The following YME1L1 variants were observed in gnomAD, a reference collection of about 807,000 sequenced individuals.
YME1L1 encodes the protein YME1 like 1 ATPase.
A neutral mutation model predicts 90.4 loss-of-function variants in YME1L1; 39 were observed. The observed-to-expected ratio is 0.43, with a 90% CI of 0.33 to 0.56. YME1L1 has a LOEUF of 0.56. YME1L1 is among the 20% of genes least tolerant of loss of function. The pLI, the probability that YME1L1 is intolerant of heterozygous loss-of-function variation, is 0.03. For synonymous variants in YME1L1, 284 were observed against 287.3 expected (o/e 0.99, Z 0.12); for missense variants, 617 against 868.4 (o/e 0.71, Z 3.64).
chr10:27,110,750 TA>T lies in YME1L1; in HGVS notation c.*1226del, dbSNP rs1484770865. On this transcript the variant is annotated 3_prime_UTR_variant, in exon 19 of 19. Coordinates refer to ENST00000376016, the MANE Select transcript of YME1L1 (RefSeq NM_014263.4). ...TGAGGGACATTATTCAGAATGAGGT[TA>T]TGTATTTATTTAACAAAATACTGCT... is the stretch of plus-strand genomic sequence containing the variant. 1 of 152,242 alleles carries T rather than the reference TA, an allele frequency of 6.6e-6. No homozygotes were observed. The highest frequency in any genetic ancestry group is 1.5e-5 in the Non-Finnish European group (1 of 68,042). The allele number at this position is 152,242 out of a possible 1,614,324, so 9.4% of individuals were successfully genotyped here.
At chr10:27,137,115 G>T (rs2057037361) in intron 4 of YME1L1, among the ~76,000 whole-genome samples, 1 of 150,132 alleles carries the variant, frequency 6.7e-6, no homozygotes, top group Non-Finnish European at 1.5e-5. Flanking sequence ...TAATGTTTTT[G>T]AAAAAAGGGT....
intron 8 of YME1L1, among the ~76,000 whole-genome samples, chr10:27,130,265 T>C (rs2056963111): frequency 6.6e-6 from 1 of 152,200 alleles, no homozygotes; most frequent in Non-Finnish European, 1.5e-5. Flanking sequence ...CTCCTTCTCA[T>C]CTTGGTTCCT....
rs2056879727 is a variant in YME1L1 at position 27,122,754 on chromosome 10, T to C, written c.1235+87A>G. 4 of 1,550,528 alleles carry C rather than the reference T, an allele frequency of 2.6e-6. No homozygotes were observed. The African/African-American group carries it at 4.1e-5, about 16-fold the overall frequency. ...ATATCTCTAGATATGAAATGCCTTA[T>C]GGAAATAATTTGCATAAGATCAATT... On this transcript the variant is annotated intron_variant, in intron 11 of 18. Transcript: ENST00000376016.
At chr10:27,135,048 C>A in intron 5 of YME1L1, 67 bp from the exon 6 acceptor site, 1 of 1,457,888 alleles carries the variant, frequency 6.9e-7, no homozygotes, top group Non-Finnish European at 9.2e-7. Flanking sequence ...AATATTGTGA[C>A]CACTCAAAAA....
At chr10:27,132,415 A>C (rs2056986557) in intron 7 of YME1L1, among the ~76,000 whole-genome samples, 1 of 152,032 alleles carries the variant, frequency 6.6e-6, no homozygotes, top group African/African-American at 2.4e-5. Flanking sequence ...CTGGATTTCT[A>C]AACCATCTTC....
In YME1L1 at chr10:27,121,457, GA is replaced by G. The variant is rs757447857; in HGVS notation, c.1236-10del. On this transcript the variant is annotated splice_polypyrimidine_tract_variant and intron_variant, in intron 11 of 18. Transcript: ENST00000376016. ...CTTCATTGGGTTTAAAACTATATTGGAAAAAAAATAGTATCTTTTACTAACA... is the reference window on the plus strand; with the variant it reads ...CTTCATTGGGTTTAAAACTATATTGGAAAAAAATAGTATCTTTTACTAACA... The G allele has an allele frequency of 1.1e-4, 169 of 1,557,778 alleles. No homozygotes were observed. Among genetic ancestry groups the G allele is most frequent in the Middle Eastern group, 1.7e-4 (1 of 5,960 alleles).
Position 27,131,044 on chromosome 10 carries a change from T to A in YME1L1, c.858+815A>T, listed in dbSNP as rs531486742. Among the ~76,000 whole-genome samples the A allele has an allele frequency of 2.0e-5, 3 of 152,322 alleles. No individual in the cohort carries two copies. In the South Asian group the frequency reaches 6.2e-4, roughly 32 times the overall value. ...ACTTGAGAGCCTTTGCTCAAACTGT[T>A]CCTTTGGTCAGAAACGTTCCTTTCT... is the stretch of plus-strand genomic sequence containing the variant. On this transcript the variant is annotated intron_variant, in intron 8 of 18. Transcript: ENST00000376016.
chr10:27,136,849 C>T (rs996307088), intron 4 of YME1L1, among the ~76,000 whole-genome samples: 10 of 152,196 alleles, frequency 6.6e-5, no homozygotes, highest in Non-Finnish European at 1.0e-4. Flanking sequence ...CCTCAGCCTC[C>T]TAACCTCAGG....
At chr10:27,147,540 A>G (rs1352294593) in intron 2 of YME1L1, 1 of 1,611,988 alleles carries the variant, frequency 6.2e-7, no homozygotes, top group African/African-American at 1.3e-5. Flanking sequence ...TGTGCCAGTT[A>G]TCGGTTGTGT....
At chr10:27,114,844 C>A (rs775840580) in intron 17 of YME1L1, among the ~76,000 whole-genome samples, 19 of 151,984 alleles carry the variant, frequency 1.3e-4, no homozygotes, top group Non-Finnish European at 2.5e-4. Flanking sequence ...CCTGGAAACA[C>A]GGAGAAACGC....
chr10:27,142,708 T>C (rs889458202), intron 3 of YME1L1, among the ~76,000 whole-genome samples: 1 of 152,134 alleles, frequency 6.6e-6, no homozygotes, highest in East Asian at 1.9e-4. Context: ...TTGGTTACAT[T>C]ATTTTTATTT....
intron 1 of YME1L1, among the ~76,000 whole-genome samples, chr10:27,149,368 A>G (rs1292525361): frequency 2.0e-5 from 3 of 152,186 alleles, no homozygotes; most frequent in Non-Finnish European, 2.9e-5. Flanking sequence ...AACATTTAAA[A>G]AATAGTAGAA....
At chr10:27,117,438 G>C in intron 15 of YME1L1, 138 bp downstream of exon 15, 1 of 872,100 alleles carries the variant, frequency 1.1e-6, no homozygotes, top group Admixed American at 2.8e-5. Context: ...CGTGGTGGTG[G>C]GCACCTGTAA....
chr10:27,129,711 G>T (rs1423192218), intron 8 of YME1L1, among the ~76,000 whole-genome samples: 1 of 121,200 alleles, frequency 8.3e-6, no homozygotes, highest in Non-Finnish European at 1.7e-5. Context: ...ATTTGGAAAA[G>T]ATAAAATAAA....
chr10:27,136,310 G>C lies in YME1L1; in HGVS notation c.506C>G (p.Ala169Gly). 1 of 1,613,604 alleles carries C rather than the reference G, an allele frequency of 6.2e-7. No homozygotes were observed. Among genetic ancestry groups the C allele is most frequent in the Non-Finnish European group, 8.5e-7 (1 of 1,179,854 alleles). ...RRLQSTSERL[A>G]ETQNIAPSFV... The stretch of plus-strand genomic sequence containing the variant: ...TGATGGCGCTATATTCTGTGTTTCA[G>C]CTAATCTCTCGGAGGTAGACTGGAG... Residue 169 changes from alanine (A) to glycine (G), a missense_variant, in exon 5 of 19, where the codon GCT becomes GGT. Transcript: ENST00000376016.
chr10:27,153,408 T>C (rs1444532672), intron 1 of YME1L1: 2 of 333,162 alleles, frequency 6.0e-6, no homozygotes, highest in Non-Finnish European at 1.2e-5. Flanking sequence ...TTAAAAAAAC[T>C]CAATGTTTTA....
chr10:27,136,473 G>C, intron 4 of YME1L1, 88 bp from the exon 5 acceptor site: 1 of 1,023,842 alleles, frequency 9.8e-7, no homozygotes, highest in Non-Finnish European at 1.5e-6. Flanking sequence ...CACCCTACCT[G>C]TATATCCTAG....
At chr10:27,150,088 A>G (rs2057194873) in intron 1 of YME1L1, among the ~76,000 whole-genome samples, 1 of 151,720 alleles carries the variant, frequency 6.6e-6, no homozygotes, top group African/African-American at 2.4e-5. Flanking sequence ...AAATAAATAA[A>G]TAAATAAAAA....
intron 1 of YME1L1, among the ~76,000 whole-genome samples, chr10:27,150,828 A>G (rs10159601): frequency 0.074 from 11,226 of 152,124 alleles, 604 homozygotes; most frequent in African/African-American, 0.15. Flanking sequence ...CTTCGTGGAC[A>G]AGCCCAAGCA....
Sources: gnomAD v4.1 joint callset for allele counts (sites outside exome capture counted in the v4.1 genomes callset) on GRCh38, gnomAD v4.1.1 for gene constraint, MANE v1.5 for transcripts, NCBI Gene and HGNC (gene_info 2026-07-23, HGNC 2026-07-21) for gene names.